The following ACRV1 variants were observed in gnomAD, a reference collection of about 807,000 sequenced individuals.
The protein encoded by ACRV1 is acrosomal protein SP-10.
In ACRV1, 17 loss-of-function variants were observed where a neutral mutation model predicts 29.2. That is an observed-to-expected ratio of 0.58 (90% CI 0.40 to 0.87). The LOEUF (loss-of-function observed/expected upper bound fraction) is 0.87. Among genes scored for constraint, ACRV1 ranks in the 40% least tolerant of loss-of-function variants. The probability of loss-of-function intolerance (pLI) is 0.00; values close to 1 mark genes in which losing one functional copy is unlikely to be tolerated. For missense variants in ACRV1, 294 were observed against 316.0 expected (o/e 0.93, Z 0.53); for synonymous variants, 98 against 111.6 (o/e 0.88, Z 0.77).
intron 1 of ACRV1, among the ~76,000 whole-genome samples, chr11:125,680,282 G>C (rs1245485301): frequency 6.6e-6 from 1 of 152,166 alleles, no homozygotes; most frequent in African/African-American, 2.4e-5. Context: ...CCATGAAGAA[G>C]AGGCTTATGA....
In ACRV1 at chr11:125,678,076, C is replaced by T; in HGVS notation, c.274G>A (p.Glu92Lys). Residue 92 changes from glutamate to lysine, a missense_variant, in exon 2 of 4, where the codon GAG (glutamate) becomes AAG (lysine). Glu to Lys is a moderately conservative substitution (Grantham distance 56, BLOSUM62 1). Coordinates refer to ENST00000533904, the MANE Select transcript of ACRV1 (RefSeq NM_001612.6). ...EHTSGEHAESEHASGEPAATE... is the reference protein window; with the variant it reads ...EHTSGEHAESKHASGEPAATE... ...GCAGCGGGCTCACCTGAAGCATGCT[C>T]ACTCTCAGCATGTTCTCCAGAAGTG... The T allele has an allele frequency of 1.2e-6, 2 of 1,614,204 alleles. No individual in the cohort carries two copies. The highest frequency in any genetic ancestry group is 2.2e-5 in the South Asian group (2 of 91,084).
rs776173500 is a variant in ACRV1 at position 125,676,451 on chromosome 11, G to T, written c.581C>A (p.Ala194Asp). The T allele has an allele frequency of 3.7e-6, 6 of 1,613,974 alleles. 1 individual carries two copies. In the African/African-American group the frequency reaches 6.7e-5, roughly 18 times the overall value. The change falls in exon 3 of 4, where the codon GCT becomes GAT. Residue 194 changes from alanine to aspartate, a missense_variant. By Grantham distance (126) the Ala-to-Asp change is moderately radical. Coordinates refer to ENST00000533904, the MANE Select transcript of ACRV1 (RefSeq NM_001612.6). ...TGTILNCYTC[A>D]YMNDQGKCLR... is the part of the protein sequence containing the mutation. ...ACATTTTCCTTGATCATTCATATAA[G>T]CACATGTGTAGCAATTTAATATTGT... is the stretch of plus-strand genomic sequence containing the variant.
chr11:125,678,480 A>G (rs150481208), intron 1 of ACRV1, among the ~76,000 whole-genome samples, 183 bp from the exon 2 acceptor site: 263 of 152,332 alleles, frequency 1.7e-3, no homozygotes, highest in African/African-American at 6.0e-3. Context: ...CATGGAGGAC[A>G]GAAGTGTTTA....
chr11:125,678,029 C>G lies in ACRV1; in HGVS notation c.321G>C (p.Glu107Asp). The change falls in exon 2 of 4, where the codon GAG becomes GAC. Residue 107 changes from glutamate to aspartate, a missense_variant. Physicochemically the swap from Glu to Asp is conservative, Grantham distance 45. Transcript: ENST00000533904. ...EPAATEHAEG[E>D]HTVGEQPSGE... ...CTGAAGGCTGCTCACCTACAGTATGCTCACCTTCAGCATGTTCAGTCGCAG... is the reference window on the plus strand; with the variant it reads ...CTGAAGGCTGCTCACCTACAGTATGGTCACCTTCAGCATGTTCAGTCGCAG... 1 of 1,614,152 alleles carries G rather than the reference C, an allele frequency of 6.2e-7. No homozygotes were observed. The highest frequency in any genetic ancestry group is 8.5e-7 in the Non-Finnish European group (1 of 1,180,024).
intron 3 of ACRV1, among the ~76,000 whole-genome samples, chr11:125,673,706 C>T (rs1289256184): frequency 6.6e-6 from 1 of 152,164 alleles, no homozygotes; most frequent in Admixed American, 6.5e-5. Flanking sequence ...CTCCCCAAAC[C>T]TGCTTGTTTT....
chr11:125,680,234 GAA>G (rs1942735693), intron 1 of ACRV1, among the ~76,000 whole-genome samples: 1 of 152,224 alleles, frequency 6.6e-6, no homozygotes, highest in African/African-American at 2.4e-5. Flanking sequence ...GATCCCAAAA[GAA>G]GAGATGATAC....
intron 1 of ACRV1, among the ~76,000 whole-genome samples, chr11:125,679,643 A>G (rs891127589): frequency 6.6e-6 from 1 of 152,236 alleles, no homozygotes; most frequent in Non-Finnish European, 1.5e-5. Flanking sequence ...GAAGACAAGT[A>G]GACTACAACA....
intron 3 of ACRV1, among the ~76,000 whole-genome samples, chr11:125,672,988 G>A (rs749414208): frequency 5.3e-5 from 8 of 151,758 alleles, no homozygotes; most frequent in Non-Finnish European, 1.2e-4. Context: ...TCTCTTAATC[G>A]TGCTACTCCC....
rs183874783 is a variant in ACRV1 at position 125,680,449 on chromosome 11, G to A, written c.52+280C>T. On this transcript the variant is annotated intron_variant, in intron 1 of 3. Coordinates refer to ENST00000533904, the MANE Select transcript of ACRV1 (RefSeq NM_001612.6). ...CATTGGGCTTCTACAGAACCCCTAA[G>A]CCTACTTTTTCATCTCATGCAGCAT... Among the ~76,000 whole-genome samples the A allele has an allele frequency of 1.2e-3, 180 of 152,274 alleles. 1 individual carries two copies. The highest frequency in any genetic ancestry group is 1.5e-3 in the Non-Finnish European group (99 of 68,014).
rs1285520661 is a variant in ACRV1 at position 125,677,906 on chromosome 11, ATGTTCACCTGAAGGC to A, written c.429_443del (p.Gln143_Glu147del). The A allele has an allele frequency of 6.2e-7, 1 of 1,613,828 alleles. No individual in the cohort carries two copies. Reference sequence around the variant, plus strand: ...CACCAGAAGGCTGTTCACCGGAGCCATGTTCACCTGAAGGCTGTTCATCTGAAGGCTGTTCACCTG... The same window carrying A: ...CACCAGAAGGCTGTTCACCGGAGCCATGTTCATCTGAAGGCTGTTCACCTG... On this transcript the variant is annotated inframe_deletion, in exon 2 of 4. Coordinates refer to ENST00000533904, the MANE Select transcript of ACRV1 (RefSeq NM_001612.6).
At chr11:125,679,928 T>C (rs1050656810) in intron 1 of ACRV1, among the ~76,000 whole-genome samples, 5 of 152,222 alleles carry the variant, frequency 3.3e-5, no homozygotes, top group Non-Finnish European at 4.4e-5. Context: ...TTTCAATAAT[T>C]AACACAAGTT....
intron 1 of ACRV1, among the ~76,000 whole-genome samples, chr11:125,678,503 G>A (rs1174260989): frequency 2.0e-5 from 3 of 152,144 alleles, no homozygotes; most frequent in African/African-American, 7.2e-5. Context: ...GAAACAAACA[G>A]AGGCCACCTC....
intron 1 of ACRV1, among the ~76,000 whole-genome samples, chr11:125,678,812 G>A (rs1316434401): frequency 6.6e-6 from 1 of 151,488 alleles, no homozygotes; most frequent in Non-Finnish European, 1.5e-5. Context: ...CTTTGGACAG[G>A]GATGACAAGT....
At chr11:125,679,712 G>GGTA (rs1242156800) in intron 1 of ACRV1, among the ~76,000 whole-genome samples, 1 of 152,098 alleles carries the variant, frequency 6.6e-6, no homozygotes, top group Non-Finnish European at 1.5e-5. Context: ...TTGAGGCTGA[G>GGTA]GTAGTCTAAA....
chr11:125,673,346 AG>A (rs907174469), intron 3 of ACRV1, among the ~76,000 whole-genome samples: 1 of 151,830 alleles, frequency 6.6e-6, no homozygotes, highest in African/African-American at 2.4e-5. Flanking sequence ...CTGGGATTAC[AG>A]GCGCACCACC....
At chr11:125,675,290 C>G (rs1644960645) in intron 3 of ACRV1, among the ~76,000 whole-genome samples, 1 of 152,228 alleles carries the variant, frequency 6.6e-6, no homozygotes, top group Non-Finnish European at 1.5e-5. Flanking sequence ...TTTCCCTGAA[C>G]TCTCTGCACT....
At chr11:125,678,431 G>T (rs1942630317) in intron 1 of ACRV1, 134 bp from the exon 2 acceptor site, 2 of 1,045,682 alleles carry the variant, frequency 1.9e-6, no homozygotes, top group African/African-American at 1.6e-5. Flanking sequence ...CCTGAAGACT[G>T]CAGATGTTGG....
intron 3 of ACRV1, among the ~76,000 whole-genome samples, chr11:125,675,027 T>C (rs1174367144): frequency 1.3e-5 from 2 of 152,204 alleles, no homozygotes; most frequent in African/African-American, 2.4e-5. Flanking sequence ...TAAATCAGTA[T>C]CTCTTTAATC....
In ACRV1 at chr11:125,677,968, G is replaced by C. The variant is rs755309316; in HGVS notation, c.382C>G (p.Gln128Glu). ...CCTGACTCAAGCTCACTCAAAGGCT[G>C]TTCTCCGGAGAGGTGTTCACCTGAA... ...QPSGEHLSGEQPLSELESGEQ... is the reference protein window; with the variant it reads ...QPSGEHLSGEEPLSELESGEQ... The change falls in exon 2 of 4, where the codon CAG (glutamine) becomes GAG (glutamate). Residue 128 changes from glutamine to glutamate, a missense_variant. Coordinates refer to ENST00000533904, the MANE Select transcript of ACRV1 (RefSeq NM_001612.6). 6 of 1,612,402 alleles carry C rather than the reference G, an allele frequency of 3.7e-6. No homozygotes were observed. The highest frequency in any genetic ancestry group is 3.3e-5 in the Admixed American group (2 of 59,942).
Sources: gnomAD v4.1 joint callset for allele counts (sites outside exome capture counted in the v4.1 genomes callset) on GRCh38, gnomAD v4.1.1 for gene constraint, MANE v1.5 for transcripts, NCBI Gene and HGNC (gene_info 2026-07-23, HGNC 2026-07-21) for gene names.